CHRNB3: variants seen among roughly 807,000 people sequenced by gnomAD.
CHRNB3 encodes cholinergic receptor nicotinic beta 3 subunit.
Under a neutral mutation model 40.6 loss-of-function variants are expected in CHRNB3, and 37 were observed. The ratio of observed to expected loss-of-function variants is 0.91; its 90% CI spans 0.70 to 1.20. The LOEUF is 1.20. Ranked by LOEUF, CHRNB3 falls within the 50% of genes most tolerant of loss-of-function variation. The pLI is 0.00. For synonymous variants in CHRNB3, 207 were observed against 207.1 expected (o/e 1.00, Z 0.00); for missense variants, 505 against 551.2 (o/e 0.92, Z 0.84).
chr8:42,726,480 CTT>C (rs60852168), intron 3 of CHRNB3, among the ~76,000 whole-genome samples: 1,513 of 133,294 alleles, frequency 0.011, 20 homozygotes, highest in African/African-American at 0.029. Flanking sequence ...AATTAAATGA[CTT>C]TTTTTTTTTT....
chr8:42,708,956 C>T (rs1325294963), intron 2 of CHRNB3, 88 bp downstream of exon 2: 1 of 1,287,776 alleles, frequency 7.8e-7, no homozygotes, highest in Non-Finnish European at 1.0e-6. Flanking sequence ...CCTATGTCTG[C>T]CATTTCAATT....
chr8:42,725,768 G>C (rs58205452), intron 3 of CHRNB3: 1 of 909,218 alleles, frequency 1.1e-6, no homozygotes, highest in African/African-American at 1.6e-5. Flanking sequence ...ACTTGTCCAC[G>C]TTTCAAAATG....
intron 1 of CHRNB3, among the ~76,000 whole-genome samples, chr8:42,699,126 T>C (rs112108195): frequency 7.2e-5 from 11 of 152,388 alleles, no homozygotes; most frequent in African/African-American, 2.6e-4. Context: ...TTACTATTCA[T>C]TGTAAACAAA....
chr8:42,730,655 A>C lies in CHRNB3; in HGVS notation c.311A>C (p.Lys104Thr), dbSNP rs776178196. The C allele has an allele frequency of 1.4e-5, 22 of 1,611,586 alleles. No individual in the cohort carries two copies. The highest frequency in any genetic ancestry group is 1.9e-5 in the Non-Finnish European group (22 of 1,178,434). Residue 104 changes from lysine (K) to threonine (T), a missense_variant, in exon 4 of 6, where the codon AAA (lysine) becomes ACA (threonine). Physicochemically the swap from Lys to Thr is moderately conservative, Grantham distance 78. Transcript: ENST00000289957. ...GATTATGGTGGGATCCATTCCATTA[A>C]AGTTCCATCAGAATCTCTGTGGCTT... The part of the protein sequence containing the change: ...PDDYGGIHSI[K>T]VPSESLWLPD...
At chr8:42,729,204 G>A (rs1381283999) in intron 3 of CHRNB3, among the ~76,000 whole-genome samples, 2 of 151,932 alleles carry the variant, frequency 1.3e-5, no homozygotes, top group African/African-American at 4.8e-5. Flanking sequence ...TCAGGAGATC[G>A]AGAGCATCCT....
intron 2 of CHRNB3, among the ~76,000 whole-genome samples, chr8:42,709,404 TA>T (rs1251853756): frequency 0.011 from 1,674 of 152,244 alleles, 34 homozygotes; most frequent in African/African-American, 0.039. Flanking sequence ...ATTGTGTTCT[TA>T]GAAGAAACCA....
Position 42,732,581 on chromosome 8 carries a change from C to T in CHRNB3, c.1242+32C>T, listed in dbSNP as rs1477128810. ...AAACTGGTATTCCTGATAATGCTGC[C>T]GTAAAGGTAGGCCAAAGACAAATAT... On this transcript the variant is annotated intron_variant, in intron 5 of 5. Transcript: ENST00000289957. 12 of 1,532,356 alleles carry T rather than the reference C, an allele frequency of 7.8e-6. No homozygotes were observed. The South Asian group carries it at 9.3e-5, about 12-fold the overall frequency. The allele number at this position is 1,532,356 out of a possible 1,614,324, so 94.9% of individuals were successfully genotyped here.
chr8:42,732,050 C>G lies in CHRNB3; in HGVS notation c.743C>G (p.Ser248Cys). Reference protein sequence around the residue: ...LFLIIPCLGLSFLTVLVFYLP... With the variant: ...LFLIIPCLGLCFLTVLVFYLP... ...CTCATCATCCCCTGCCTGGGGCTGT[C>G]TTTCCTAACAGTTCTTGTGTTCTAT... The change falls in exon 5 of 6, where the codon TCT (serine) becomes TGT (cysteine). Residue 248 changes from serine (S) to cysteine (C), a missense_variant. Ser to Cys is a moderately radical substitution (Grantham distance 112, BLOSUM62 -1). Transcript: ENST00000289957. 6.2e-7 allele frequency: 1 copy of G among 1,614,104 alleles called. No homozygotes were observed. Among genetic ancestry groups the G allele is most frequent in the Non-Finnish European group, 8.5e-7 (1 of 1,180,026 alleles).
chr8:42,702,987 G>A (rs1243403251), intron 1 of CHRNB3, among the ~76,000 whole-genome samples: 2 of 152,158 alleles, frequency 1.3e-5, no homozygotes, highest in Non-Finnish European at 2.9e-5. Flanking sequence ...GGCTCCTCTC[G>A]ATGCCCCAGT....
At chr8:42,717,102 G>A (rs562667503) in intron 3 of CHRNB3, among the ~76,000 whole-genome samples, 3 of 135,096 alleles carry the variant, frequency 2.2e-5, no homozygotes, top group East Asian at 1.9e-4. Context: ...GGCCGGGCGC[G>A]GTGGCTCACG....
At chr8:42,704,591 G>A (rs981134822) in intron 1 of CHRNB3, 1 of 152,226 alleles carries the variant, frequency 6.6e-6, no homozygotes, top group African/African-American at 2.4e-5. Context: ...GGGAAAGGAA[G>A]TTCATGGTTA....
At chr8:42,724,932 A>C (rs1816279857) in intron 3 of CHRNB3, among the ~76,000 whole-genome samples, 1 of 151,770 alleles carries the variant, frequency 6.6e-6, no homozygotes. Context: ...GCAGTGAGCC[A>C]AGACTGTGCC....
At chr8:42,728,481 A>G (rs972555118) in intron 3 of CHRNB3, among the ~76,000 whole-genome samples, 1 of 152,114 alleles carries the variant, frequency 6.6e-6, no homozygotes, top group Non-Finnish European at 1.5e-5. Context: ...GTGAATCATG[A>G]TGTCACCATA....
chr8:42,735,580 T>G (rs987777122), intron 5 of CHRNB3, among the ~76,000 whole-genome samples: 3 of 151,954 alleles, frequency 2.0e-5, no homozygotes, highest in Non-Finnish European at 2.9e-5. Flanking sequence ...ATACAAAGAT[T>G]TCTTTTTTTT....
intron 3 of CHRNB3, among the ~76,000 whole-genome samples, 165 bp from the exon 4 acceptor site, chr8:42,730,429 G>A (rs1465360931): frequency 6.6e-6 from 1 of 152,156 alleles, no homozygotes; most frequent in Non-Finnish European, 1.5e-5. Flanking sequence ...GCTGGCTCAA[G>A]GTGAATCCTG....
intron 1 of CHRNB3, among the ~76,000 whole-genome samples, chr8:42,701,953 G>C (rs1035546541): frequency 6.6e-6 from 1 of 152,186 alleles, no homozygotes; most frequent in Non-Finnish European, 1.5e-5. Context: ...TTCTTATTGG[G>C]AGATGTTAAC....
At chr8:42,729,223 C>T (rs1355461163) in intron 3 of CHRNB3, among the ~76,000 whole-genome samples, 1 of 151,868 alleles carries the variant, frequency 6.6e-6, no homozygotes, top group Non-Finnish European at 1.5e-5. Context: ...CTGGCTAACA[C>T]GGTGAAACCC....
chr8:42,706,563 C>T (rs886799334), intron 1 of CHRNB3, among the ~76,000 whole-genome samples: 4 of 151,872 alleles, frequency 2.6e-5, no homozygotes, highest in South Asian at 2.1e-4. Flanking sequence ...CATTAAGACC[C>T]GACGTAGGGT....
chr8:42,710,475 C>T, intron 3 of CHRNB3, 41 bp downstream of exon 3: 1 of 1,502,894 alleles, frequency 6.7e-7, no homozygotes. Flanking sequence ...AACCCAGTCA[C>T]TTATTTTCTA....
Sources: allele counts gnomAD v4.1 joint callset (sites outside exome capture counted in the v4.1 genomes callset), GRCh38; gene constraint gnomAD v4.1.1; transcripts MANE v1.5; gene names NCBI Gene and HGNC (gene_info 2026-07-23, HGNC 2026-07-21).